The following CDYL2 variants were observed in gnomAD, a reference collection of about 807,000 sequenced individuals.
CDYL2 encodes the protein chromodomain Y-like protein 2.
CDYL2 carries 23 observed loss-of-function variants against 49.4 expected under a neutral mutation model. The observed-to-expected ratio is 0.47, with a 90% CI of 0.34 to 0.66. The LOEUF (loss-of-function observed/expected upper bound fraction) is 0.66. Among genes scored for constraint, CDYL2 ranks in the 30% least tolerant of loss-of-function variants. The pLI, the probability that CDYL2 is intolerant of heterozygous loss-of-function variation, is 0.01. For missense variants in CDYL2, 678 were observed against 656.4 expected (o/e 1.03, Z -0.36); for synonymous variants, 360 against 268.8 (o/e 1.34, Z -3.32).
At position 80,684,970 on chromosome 16, in the gene CDYL2, T is replaced by C. The variant is rs748326125; in HGVS notation, c.184A>G (p.Lys62Glu). ...IDEFNGLHMSKDKRIKSGKQS... is the reference protein window; with the variant it reads ...IDEFNGLHMSEDKRIKSGKQS... ...TTCCCTGACTTGATCCTCTTGTCCT[T>C]GGACATGTGCAACCCATTGAATTCA... The change falls in exon 2 of 7, where the codon AAG (lysine) becomes GAG (glutamate). Residue 62 changes from lysine to glutamate, a missense_variant. Lys to Glu is a moderately conservative substitution (Grantham distance 56). This residue lies in a region of CDYL2 where 478 missense variants were observed against 427.0 expected (regional missense o/e 1.12). Coordinates refer to ENST00000570137, the MANE Select transcript of CDYL2 (RefSeq NM_152342.4). 1.1e-5 allele frequency: 17 copies of C among 1,614,086 alleles called. No homozygotes were observed. The East Asian group carries it at 3.6e-4, about 34-fold the overall frequency.
At chr16:80,780,850 A>C (rs889721604) in intron 1 of CDYL2, among the ~76,000 whole-genome samples, 2 of 152,214 alleles carry the variant, frequency 1.3e-5, no homozygotes, top group Non-Finnish European at 2.9e-5. Context: ...CCACAAATGC[A>C]ATGAGAAAAC....
chr16:80,620,767 T>C lies in CDYL2; in HGVS notation c.1003A>G (p.Ile335Val). Reference protein sequence around the residue: ...RKESTRIAEAIRDFVKAFIQF... With the variant: ...RKESTRIAEAVRDFVKAFIQF... ...GTGAAAAGGAGCACAGCTCACCTGA[T>C]GGCTTCTGCAATCCGAGTGCTCTCC... Residue 335 changes from isoleucine to valine, a missense_variant, in exon 4 of 7, where the codon ATC becomes GTC. Coordinates refer to ENST00000570137, the MANE Select transcript of CDYL2 (RefSeq NM_152342.4). The C allele has an allele frequency of 6.3e-7, 1 of 1,597,644 alleles. No individual in the cohort carries two copies. The highest frequency in any genetic ancestry group is 8.6e-7 in the Non-Finnish European group (1 of 1,168,022).
intron 1 of CDYL2, among the ~76,000 whole-genome samples, chr16:80,763,321 T>G: frequency 6.6e-6 from 1 of 152,310 alleles, no homozygotes; most frequent in Non-Finnish European, 1.5e-5. Context: ...ATAGAATATT[T>G]TCACCAGGGC....
intron 1 of CDYL2, among the ~76,000 whole-genome samples, chr16:80,802,583 G>A (rs566433008): frequency 5.9e-5 from 9 of 152,272 alleles, no homozygotes; most frequent in Non-Finnish European, 1.2e-4. Flanking sequence ...AGATGAGGAC[G>A]GCCACAGGGT....
intron 1 of CDYL2, among the ~76,000 whole-genome samples, chr16:80,774,426 T>C (rs1242054462): frequency 3.9e-5 from 6 of 152,014 alleles, no homozygotes. Flanking sequence ...AGGAGGTTGA[T>C]CAACAGGTGC....
intron 1 of CDYL2, among the ~76,000 whole-genome samples, chr16:80,794,031 T>C (rs1438797698): frequency 1.3e-5 from 2 of 152,218 alleles, no homozygotes; most frequent in Non-Finnish European, 1.5e-5. Context: ...AATCTCAGGA[T>C]ATTCTTCATT....
At chr16:80,740,789 T>C (rs28714425) in intron 1 of CDYL2, among the ~76,000 whole-genome samples, 7,454 of 150,604 alleles carry the variant, frequency 0.049, 369 homozygotes, top group African/African-American at 0.13. Context: ...ATATATTTAA[T>C]GAGAAATGTG....
intron 1 of CDYL2, among the ~76,000 whole-genome samples, chr16:80,696,063 A>G (rs1910603366): frequency 6.6e-6 from 1 of 152,246 alleles, no homozygotes; most frequent in Non-Finnish European, 1.5e-5. Flanking sequence ...TCTGACCACA[A>G]TGAAATAAAA....
chr16:80,618,869 G>C (rs1906949584), intron 4 of CDYL2, among the ~76,000 whole-genome samples: 1 of 152,184 alleles, frequency 6.6e-6, no homozygotes, highest in African/African-American at 2.4e-5. Context: ...GAAAAGATGG[G>C]GCTCTTTGAG....
chr16:80,788,531 T>A (rs1907507551), intron 1 of CDYL2, among the ~76,000 whole-genome samples: 1 of 152,204 alleles, frequency 6.6e-6, no homozygotes, highest in Non-Finnish European at 1.5e-5. Context: ...CATTGACCTA[T>A]ACCTGGGATT....
Position 80,797,571 on chromosome 16 carries a change from C to T in CDYL2, c.24+6579G>A, listed in dbSNP as rs993458917. On this transcript the variant is annotated intron_variant, in intron 1 of 6. Transcript: ENST00000570137. ...CCTTCTATCCTTACCTTTTTTTTTCCAGCATACCTGGTACTCTCAGAATGT... is the reference window on the plus strand; with the variant it reads ...CCTTCTATCCTTACCTTTTTTTTTCTAGCATACCTGGTACTCTCAGAATGT... Among the ~76,000 whole-genome samples, 18 of 151,696 alleles carry T rather than the reference C, an allele frequency of 1.2e-4. No individual in the cohort carries two copies. The South Asian group carries it at 3.7e-3, about 32-fold the overall frequency.
At chr16:80,726,918 T>C (rs1905180889) in intron 1 of CDYL2, among the ~76,000 whole-genome samples, 1 of 152,078 alleles carries the variant, frequency 6.6e-6, no homozygotes, top group Non-Finnish European at 1.5e-5. Flanking sequence ...AGATGCTGCC[T>C]CTACAAAAAA....
chr16:80,765,295 T>A (rs1033837376), intron 1 of CDYL2, among the ~76,000 whole-genome samples: 6 of 151,376 alleles, frequency 4.0e-5, no homozygotes, highest in African/African-American at 1.2e-4. Context: ...ATTTATTCAA[T>A]CTCTGGATGA....
chr16:80,769,192 T>G (rs188477123), intron 1 of CDYL2, among the ~76,000 whole-genome samples: 2 of 152,318 alleles, frequency 1.3e-5, no homozygotes, highest in South Asian at 2.1e-4. Context: ...GGAATTTCAG[T>G]GCTTAGGAGC....
chr16:80,663,338 G>A (rs1909127328), intron 2 of CDYL2, among the ~76,000 whole-genome samples: 1 of 151,870 alleles, frequency 6.6e-6, no homozygotes, highest in Admixed American at 6.6e-5. Flanking sequence ...ACAGTTGAGT[G>A]GAACCAAAAG....
intron 2 of CDYL2, among the ~76,000 whole-genome samples, chr16:80,681,563 T>C (rs1363298534): frequency 1.2e-4 from 18 of 152,186 alleles, no homozygotes; most frequent in Admixed American, 1.2e-3. Context: ...TCTCCTTCTC[T>C]CTCAAGCAAG....
intron 1 of CDYL2, among the ~76,000 whole-genome samples, chr16:80,793,239 T>C (rs1471485742): frequency 2.0e-5 from 3 of 152,072 alleles, no homozygotes; most frequent in African/African-American, 7.2e-5. Flanking sequence ...CACAGGGCGG[T>C]CTTTGTGCGT....
intron 6 of CDYL2, among the ~76,000 whole-genome samples, chr16:80,607,388 C>T (rs939211054): frequency 6.6e-6 from 1 of 152,082 alleles, no homozygotes; most frequent in Non-Finnish European, 1.5e-5. Context: ...GGGTCTGGCC[C>T]CAAAAATGCA....
At chr16:80,699,871 T>A (rs529870443) in intron 1 of CDYL2, among the ~76,000 whole-genome samples, 1 of 151,226 alleles carries the variant, frequency 6.6e-6, no homozygotes, top group East Asian at 1.9e-4. Context: ...CAAAACAATT[T>A]TTTTTTTTTT....
Sources: allele counts gnomAD v4.1 joint callset (sites outside exome capture counted in the v4.1 genomes callset), GRCh38; gene constraint gnomAD v4.1.1; regional missense constraint gnomAD v4.1.1; transcripts MANE v1.5; gene names NCBI Gene and HGNC (gene_info 2026-07-23, HGNC 2026-07-21).